The following SNTG1 variants were observed in gnomAD, a reference collection of about 807,000 sequenced individuals.
The protein encoded by SNTG1 is gamma-1-syntrophin.
SNTG1 carries 39 observed loss-of-function variants against 74.7 expected under a neutral mutation model. That is an observed-to-expected ratio of 0.52 (90% CI 0.40 to 0.68). The LOEUF (loss-of-function observed/expected upper bound fraction) is 0.68. Among genes scored for constraint, SNTG1 ranks in the 30% least tolerant of loss-of-function variants. The pLI, the probability that SNTG1 is intolerant of heterozygous loss-of-function variation, is 0.00. For synonymous variants in SNTG1, 254 were observed against 217.1 expected (o/e 1.17, Z -1.49); for missense variants, 685 against 609.5 (o/e 1.12, Z -1.30).
chr8:50,376,913 T>C (rs1171050862), intron 2 of SNTG1, among the ~76,000 whole-genome samples: 2 of 150,922 alleles, frequency 1.3e-5, no homozygotes, highest in African/African-American at 4.8e-5. Context: ...CATTTAGAAC[T>C]TCTTTTATCC....
chr8:50,790,775 A>G (rs1189664593), intron 18 of SNTG1, among the ~76,000 whole-genome samples: 2 of 151,962 alleles, frequency 1.3e-5, no homozygotes, highest in African/African-American at 4.8e-5. Context: ...TCTATATCAA[A>G]TTATTGATAA....
At chr8:50,181,700 T>C (rs1009579628) in intron 2 of SNTG1, among the ~76,000 whole-genome samples, 6 of 152,188 alleles carry the variant, frequency 3.9e-5, no homozygotes, top group African/African-American at 1.4e-4. Flanking sequence ...AGAAAAATGA[T>C]GAGAAAATGA....
At chr8:50,323,353 T>A (rs1486342580) in intron 2 of SNTG1, among the ~76,000 whole-genome samples, 1 of 152,160 alleles carries the variant, frequency 6.6e-6, no homozygotes, top group Non-Finnish European at 1.5e-5. Context: ...TGGTGACTTA[T>A]TTACTTCATT....
chr8:50,152,832 T>A (rs941494033), intron 1 of SNTG1, among the ~76,000 whole-genome samples: 2 of 152,224 alleles, frequency 1.3e-5, no homozygotes, highest in South Asian at 4.1e-4. Context: ...CTGGCTGCCC[T>A]TAACATTTTT....
intron 2 of SNTG1, among the ~76,000 whole-genome samples, chr8:50,295,569 G>A (rs540608941): frequency 1.4e-4 from 22 of 152,268 alleles, no homozygotes; most frequent in African/African-American, 5.1e-4. Flanking sequence ...GGAGTCACCT[G>A]CATTGTCAAG....
chr8:50,267,469 T>C (rs536368748), intron 2 of SNTG1, among the ~76,000 whole-genome samples: 86 of 152,250 alleles, frequency 5.6e-4, no homozygotes, highest in African/African-American at 1.9e-3. Context: ...ATACTTTACA[T>C]ACACAAAGCC....
At chr8:50,062,130 A>G (rs996281643) in intron 1 of SNTG1, among the ~76,000 whole-genome samples, 4 of 152,052 alleles carry the variant, frequency 2.6e-5, no homozygotes, top group Non-Finnish European at 5.9e-5. Flanking sequence ...TGCAACCTGC[A>G]CTTCCTGGGT....
rs2080944330 is a variant in SNTG1 at position 50,120,023 on chromosome 8, G to A, written c.-102-52538G>A. ...TCTTGCCTTGAGAAGCACAGTAGAAGATGAAGATGAAACCAGTCTTCCTGA... is the reference window on the plus strand; with the variant it reads ...TCTTGCCTTGAGAAGCACAGTAGAAAATGAAGATGAAACCAGTCTTCCTGA... On this transcript the variant is annotated intron_variant, in intron 1 of 18. Transcript: ENST00000642720. Among the ~76,000 whole-genome samples the A allele has an allele frequency of 1.4e-5, 2 of 141,672 alleles. 1 individual carries two copies. The highest frequency in any genetic ancestry group is 1.5e-4 in the Admixed American group (2 of 13,676). The allele number at this position is 141,672 out of a possible 152,430, so 92.9% of individuals were successfully genotyped here.
intron 2 of SNTG1, among the ~76,000 whole-genome samples, chr8:50,260,332 A>G (rs1157080322): frequency 1.3e-5 from 2 of 152,160 alleles, no homozygotes; most frequent in Non-Finnish European, 2.9e-5. Flanking sequence ...TTTCTGTCTC[A>G]CCAAAGCAGA....
At chr8:50,634,358 G>A (rs113115232) in intron 13 of SNTG1, among the ~76,000 whole-genome samples, 251 of 152,244 alleles carry the variant, frequency 1.6e-3, no homozygotes, top group African/African-American at 5.8e-3. Flanking sequence ...TCATGCATCC[G>A]GATGCCCTCT....
intron 9 of SNTG1, among the ~76,000 whole-genome samples, chr8:50,526,603 ATG>A (rs143910529): frequency 2.5e-4 from 38 of 149,168 alleles, no homozygotes; most frequent in Middle Eastern, 3.4e-3. Flanking sequence ...CAGCATATAT[ATG>A]TGTGTGTGTG....
At chr8:50,422,899 G>C (rs1057266559) in intron 4 of SNTG1, among the ~76,000 whole-genome samples, 3 of 152,090 alleles carry the variant, frequency 2.0e-5, no homozygotes, top group African/African-American at 7.2e-5. Flanking sequence ...TTTTGGCAAA[G>C]GGCTATTACC....
intron 15 of SNTG1, among the ~76,000 whole-genome samples, chr8:50,671,809 C>G (rs2095284561): frequency 6.6e-6 from 1 of 151,872 alleles, no homozygotes; most frequent in East Asian, 1.9e-4. Flanking sequence ...GTGCAACAAT[C>G]ATAGACTGGA....
At chr8:50,665,245 T>C (rs1056674434) in intron 15 of SNTG1, among the ~76,000 whole-genome samples, 1 of 152,028 alleles carries the variant, frequency 6.6e-6, no homozygotes, top group Admixed American at 6.6e-5. Context: ...GAGGGATTGA[T>C]CAACTAAGTA....
chr8:50,391,472 C>T (rs1225232632), intron 2 of SNTG1, among the ~76,000 whole-genome samples: 12 of 152,078 alleles, frequency 7.9e-5, no homozygotes. Flanking sequence ...ATTCAATTTG[C>T]CAGCATTTTA....
chr8:50,629,217 T>C (rs1434567785), intron 13 of SNTG1, among the ~76,000 whole-genome samples: 1 of 152,218 alleles, frequency 6.6e-6, no homozygotes, highest in African/African-American at 2.4e-5. Flanking sequence ...TTCATTATTC[T>C]ACAGCAGAGA....
At chr8:50,755,297 T>C (rs1306125754) in intron 18 of SNTG1, among the ~76,000 whole-genome samples, 2 of 151,824 alleles carry the variant, frequency 1.3e-5, no homozygotes, top group Non-Finnish European at 2.9e-5. Context: ...CCACTCATTT[T>C]TAAAACTTGT....
In SNTG1 at chr8:50,497,282, A is replaced by AT. The variant is rs538756951; in HGVS notation, c.364-5491dup. Among the ~76,000 whole-genome samples, 224 of 152,050 alleles carry AT rather than the reference A, an allele frequency of 1.5e-3. 1 individual carries two copies. Among genetic ancestry groups the AT allele is most frequent in the African/African-American group, 5.2e-3 (216 of 41,538 alleles). ...ACCATATTTAACCAATACATGTCAT[A>AT]TTTTTCCCATATCTATACCCATATT... On this transcript the variant is annotated intron_variant, in intron 8 of 18. Coordinates refer to ENST00000642720, the MANE Select transcript of SNTG1 (RefSeq NM_018967.5).
chr8:50,469,863 C>T (rs976636422), intron 8 of SNTG1, among the ~76,000 whole-genome samples: 1 of 152,130 alleles, frequency 6.6e-6, no homozygotes, highest in African/African-American at 2.4e-5. Flanking sequence ...TCTATAATCC[C>T]AGCTACTCGG....
Sources: gnomAD v4.1 joint callset for allele counts (sites outside exome capture counted in the v4.1 genomes callset) on GRCh38, gnomAD v4.1.1 for gene constraint, MANE v1.5 for transcripts, NCBI Gene and HGNC (gene_info 2026-07-23, HGNC 2026-07-21) for gene names.